The following ZNF746 variants were observed in gnomAD, a reference collection of about 807,000 sequenced individuals.
ZNF746 encodes the protein parkin-interacting substrate.
ZNF746 carries 13 observed loss-of-function variants against 41.0 expected under a neutral mutation model. The ratio of observed to expected loss-of-function variants is 0.32; its 90% CI spans 0.21 to 0.50. ZNF746 has a LOEUF of 0.50. Among genes scored for constraint, ZNF746 ranks in the 20% least tolerant of loss-of-function variants. The pLI, the probability that ZNF746 is intolerant of heterozygous loss-of-function variation, is 0.98. For missense variants in ZNF746, 811 were observed against 922.9 expected, an observed-to-expected ratio of 0.88 and a Z score of 1.57; for synonymous variants, 424 against 396.2, an observed-to-expected ratio of 1.07 and a Z score of -0.83.
At chr7:149,485,421 C>T (rs1236035515) in intron 4 of ZNF746, among the ~76,000 whole-genome samples, 1 of 152,106 alleles carries the variant, frequency 6.6e-6, no homozygotes, top group Non-Finnish European at 1.5e-5. Flanking sequence ...AAAGAAGAAC[C>T]AAAGTGCAGT....
rs1211783762 is a variant in ZNF746 at position 149,497,673 on chromosome 7, G to C, written c.-137C>G. On this transcript the variant is annotated 5_prime_UTR_variant, in exon 1 of 7. Coordinates refer to ENST00000458143, the MANE Select transcript of ZNF746 (RefSeq NM_001394198.1). This position sits in a 1 kb window ranked among gnomAD's most constrained non-coding sequence, Gnocchi z 4.2. ...TTTCCTCTGCCGCCGCTCCTCGCTGGCTGCCCCTGCGCCGCGCCGCCCGCA... is the reference window on the plus strand; with the variant it reads ...TTTCCTCTGCCGCCGCTCCTCGCTGCCTGCCCCTGCGCCGCGCCGCCCGCA... 3.2e-6 allele frequency: 2 copies of C among 625,788 alleles called. No individual in the cohort carries two copies. Among genetic ancestry groups the C allele is most frequent in the African/African-American group, 4.0e-5 (2 of 50,026 alleles). 38.8% of individuals were successfully genotyped at this position (625,788 alleles called of 1,614,324 possible).
At chr7:149,493,920 C>G in intron 3 of ZNF746, 69 bp downstream of exon 3, 1 of 1,612,210 alleles carries the variant, frequency 6.2e-7, no homozygotes, top group Non-Finnish European at 8.5e-7. Context: ...ATGAAAACAA[C>G]TATGTGGAGG....
chr7:149,487,135 G>C (rs1295198076), intron 4 of ZNF746, among the ~76,000 whole-genome samples: 1 of 152,080 alleles, frequency 6.6e-6, no homozygotes, highest in Non-Finnish European at 1.5e-5. Context: ...GAGGGGTCTG[G>C]GTCACACTCC....
intron 4 of ZNF746, among the ~76,000 whole-genome samples, chr7:149,483,713 G>A (rs1306073158): frequency 6.6e-6 from 1 of 151,628 alleles, no homozygotes; most frequent in Non-Finnish European, 1.5e-5. Context: ...AAAAGTAGAA[G>A]GAAATAATAC....
At chr7:149,493,866 C>A (rs1800893710) in intron 3 of ZNF746, 123 bp downstream of exon 3, 1 of 1,517,156 alleles carries the variant, frequency 6.6e-7, no homozygotes, top group African/African-American at 1.4e-5. Context: ...AAGGTAACAA[C>A]TTGCAAGGTC....
intron 3 of ZNF746, among the ~76,000 whole-genome samples, 191 bp downstream of exon 3, chr7:149,493,798 A>G (rs1800891841): frequency 6.6e-6 from 1 of 152,210 alleles, no homozygotes; most frequent in African/African-American, 2.4e-5. Flanking sequence ...ATTCTGGGAA[A>G]CTCAACACAG....
chr7:149,496,232 C>G (rs994219373), intron 1 of ZNF746, among the ~76,000 whole-genome samples: 1 of 152,338 alleles, frequency 6.6e-6, no homozygotes, highest in South Asian at 2.1e-4. Context: ...CAACAAGGTG[C>G]ATGGTTTTCT....
Position 149,497,484 on chromosome 7 carries a change from G to C in ZNF746, c.24+29C>G, listed in dbSNP as rs866512312. 3 of 1,090,928 alleles carry C rather than the reference G, an allele frequency of 2.7e-6. No individual in the cohort carries two copies. The highest frequency in any genetic ancestry group is 3.3e-6 in the Non-Finnish European group (3 of 902,640). The allele number at this position is 1,090,928 out of a possible 1,614,324, so 67.6% of individuals were successfully genotyped here. On this transcript the variant is annotated intron_variant, in intron 1 of 6. Transcript: ENST00000458143. This position sits in a 1 kb window ranked among gnomAD's most constrained non-coding sequence, Gnocchi z 4.2. ...GGGCCGCCTGGGGCCCCCAGGCCGC[G>C]AGTCCCTGCGCGCGCGGGTCGCCCT...
intron 4 of ZNF746, among the ~76,000 whole-genome samples, chr7:149,481,706 T>C (rs935395829): frequency 5.3e-5 from 8 of 152,006 alleles, no homozygotes; most frequent in African/African-American, 7.3e-5. Context: ...TCTATAACAA[T>C]AGAAATAGAA....
At position 149,492,897 on chromosome 7, in the gene ZNF746, C is replaced by T. The variant is rs146308336; in HGVS notation, c.527G>A (p.Gly176Asp). The T allele has an allele frequency of 8.5e-4, 1,375 of 1,612,072 alleles. 1 individual carries two copies. Among genetic ancestry groups the T allele is most frequent in the African/African-American group, 3.1e-3 (234 of 74,930 alleles). Residue 176 changes from glycine to aspartate, a missense_variant, in exon 4 of 7, where the codon GGC (glycine) becomes GAC (aspartate). Physicochemically the swap from Gly to Asp is moderately conservative, Grantham distance 94. Transcript: ENST00000458143. ...CACAGGAACATCTGGAATCTTGGGGCCAGGGCGGCGCCAGTTGCAGGGCTC... is the reference window on the plus strand; with the variant it reads ...CACAGGAACATCTGGAATCTTGGGGTCAGGGCGGCGCCAGTTGCAGGGCTC... Reference protein sequence around the residue: ...GKEPCNWRRPGPKIPDVPVDP... With the variant: ...GKEPCNWRRPDPKIPDVPVDP...
At position 149,475,239 on chromosome 7, in the gene ZNF746, A is replaced by G. The variant is rs1800256991; in HGVS notation, c.1128T>C (p.Pro376=). The change falls in exon 7 of 7, where the codon CCT becomes CCC. Residue 376 remains proline, a synonymous_variant. Coordinates refer to ENST00000458143, the MANE Select transcript of ZNF746 (RefSeq NM_001394198.1). ...RPERDMGELS[P]AVAQEETPPG... is the part of the protein sequence containing the mutation. ...GAGGGGTCTCCTCCTGGGCCACAGCAGGACTGAGCTCACCCATGTCCCTCT... is the reference window on the plus strand; with the variant it reads ...GAGGGGTCTCCTCCTGGGCCACAGCGGGACTGAGCTCACCCATGTCCCTCT... 1.2e-6 allele frequency: 2 copies of G among 1,612,744 alleles called. No individual in the cohort carries two copies. The highest frequency in any genetic ancestry group is 1.7e-5 in the Admixed American group (1 of 59,984).
At chr7:149,491,685 A>C in intron 4 of ZNF746, 1 of 570,996 alleles carries the variant, frequency 1.8e-6, no homozygotes, top group South Asian at 2.2e-5. Context: ...GGATGCATTT[A>C]ATTTCACACA....
At position 149,497,344 on chromosome 7, in the gene ZNF746, G is replaced by T; in HGVS notation, c.24+169C>A. The T allele has an allele frequency of 1.0e-6, 1 of 975,686 alleles. No individual in the cohort carries two copies. The highest frequency in any genetic ancestry group is 1.2e-6 in the Non-Finnish European group (1 of 821,518). 60.4% of individuals were successfully genotyped at this position (975,686 alleles called of 1,614,324 possible). On this transcript the variant is annotated intron_variant, in intron 1 of 6. Coordinates refer to ENST00000458143, the MANE Select transcript of ZNF746 (RefSeq NM_001394198.1). The surrounding 1 kb of genome is among the most constrained non-coding windows in gnomAD (Gnocchi z 4.2). Reference sequence around the variant, plus strand: ...GGCTCGGAGTGGGGGCCCGGCCGACGGGCGCAGTAGGCCCCGGCGGACCCC... The same window carrying T: ...GGCTCGGAGTGGGGGCCCGGCCGACTGGCGCAGTAGGCCCCGGCGGACCCC...
intron 5 of ZNF746, 53 bp downstream of exon 5, chr7:149,477,511 C>A: frequency 6.5e-7 from 1 of 1,541,320 alleles, no homozygotes; most frequent in Admixed American, 1.8e-5. Flanking sequence ...CCTCCCCTGT[C>A]CCTCCTGTGA....
Position 149,475,402 on chromosome 7 carries a change from G to A in ZNF746, c.965C>T (p.Ala322Val). Residue 322 changes from alanine (A) to valine (V), a missense_variant, in exon 7 of 7, where the codon GCT becomes GTT. Physicochemically the swap from Ala to Val is moderately conservative, Grantham distance 64. This residue lies in a region of ZNF746 where 495 missense variants were observed against 481.6 expected (regional missense o/e 1.03). Coordinates refer to ENST00000458143, the MANE Select transcript of ZNF746 (RefSeq NM_001394198.1). ...ATPVHPTDLE[A>V]HGTLFGPGQA... ...GCCTGGTCCAAACAGGGTCCCGTGA[G>A]CCTCTAGGTCAGTAGGATGTACGGG... 1.2e-6 allele frequency: 2 copies of A among 1,614,204 alleles called. No individual in the cohort carries two copies. Among genetic ancestry groups the A allele is most frequent in the Non-Finnish European group, 1.7e-6 (2 of 1,180,028 alleles).
intron 3 of ZNF746, 130 bp downstream of exon 3, chr7:149,493,859 G>T: frequency 1.4e-6 from 2 of 1,471,834 alleles, no homozygotes; most frequent in Non-Finnish European, 1.9e-6. Flanking sequence ...TTCACAAAAG[G>T]TAACAACTTG....
rs1800348293 is a variant in ZNF746, at chr7:149,477,586, G to A, written c.735C>T (p.Asp245=). 3.1e-6 allele frequency: 5 copies of A among 1,611,364 alleles called. No homozygotes were observed. Among genetic ancestry groups the A allele is most frequent in the African/African-American group, 2.7e-5 (2 of 74,882 alleles). ...GLSQLDSGAG[D]ISTDATSGVH... is the part of the protein sequence containing the mutation. ...TACCAGAGGTGGCATCCGTGGAGAT[G>A]TCTCCTGCTCCGGAATCCAGCTGGC... The change falls in exon 5 of 7, where the codon GAC becomes GAT. Residue 245 remains aspartate (D), a synonymous_variant. Transcript: ENST00000458143.
At chr7:149,479,956 A>C (rs1800436693) in intron 4 of ZNF746, among the ~76,000 whole-genome samples, 1 of 152,010 alleles carries the variant, frequency 6.6e-6, no homozygotes, top group Non-Finnish European at 1.5e-5. Context: ...GTCTCCACAG[A>C]GGGGAAAAAA....
At chr7:149,496,965 C>T in intron 1 of ZNF746, 1 of 985,336 alleles carries the variant, frequency 1.0e-6, no homozygotes, top group Non-Finnish European at 1.2e-6. Flanking sequence ...AGATTAACAC[C>T]AGTACCCATC....
Sources: gnomAD v4.1 joint callset for allele counts (sites outside exome capture counted in the v4.1 genomes callset) on GRCh38, gnomAD v4.1.1 for gene constraint, gnomAD v4.1.1 regional missense constraint, Gnocchi (gnomAD v3.1) non-coding constraint, MANE v1.5 for transcripts, NCBI Gene and HGNC (gene_info 2026-07-23, HGNC 2026-07-21) for gene names.